The following ANO4 variants were observed in gnomAD, a reference collection of about 807,000 sequenced individuals.
The protein encoded by ANO4 is anoctamin 4.
ANO4 carries 69 observed loss-of-function variants against 141.9 expected under a neutral mutation model. That is an observed-to-expected ratio of 0.49 (90% CI 0.40 to 0.59). The LOEUF (loss-of-function observed/expected upper bound fraction) is 0.59, where lower values mean the gene tolerates loss of function less well. Among genes scored for constraint, ANO4 ranks in the 20% least tolerant of loss-of-function variants. The pLI, the probability that ANO4 is intolerant of heterozygous loss-of-function variation, is 0.00. For synonymous variants in ANO4, 350 were observed against 394.3 expected (o/e 0.89, Z 1.33); for missense variants, 894 against 1,162.2 (o/e 0.77, Z 3.36).
chr12:100,923,365 C>T (rs139089565), intron 3 of ANO4, among the ~76,000 whole-genome samples: 32 of 151,196 alleles, frequency 2.1e-4, no homozygotes, highest in African/African-American at 7.3e-4. Context: ...CATTTCCCAC[C>T]TATGAGTGAG....
intron 8 of ANO4, among the ~76,000 whole-genome samples, chr12:100,990,846 G>A (rs762280627): frequency 1.3e-5 from 2 of 152,192 alleles, no homozygotes; most frequent in Non-Finnish European, 2.9e-5. Context: ...AGAGGAGACA[G>A]TAACGTGTGT....
intron 1 of ANO4, among the ~76,000 whole-genome samples, chr12:100,811,287 G>A (rs1014123831): frequency 1.3e-5 from 2 of 152,126 alleles, no homozygotes; most frequent in Admixed American, 1.3e-4. Flanking sequence ...TTCTAAAGCC[G>A]AGATACTTTT....
rs1302897525 is a variant in ANO4, at chr12:101,109,330, A to G, written c.2150-1074A>G. Among the ~76,000 whole-genome samples, 5 of 152,200 alleles carry G rather than the reference A, an allele frequency of 3.3e-5. No homozygotes were observed. In the East Asian group the frequency reaches 9.6e-4, roughly 29 times the overall value. On this transcript the variant is annotated intron_variant, in intron 22 of 27. Coordinates refer to ENST00000392977, the MANE Select transcript of ANO4 (RefSeq NM_001286615.2). ...GTAATCCCAGCATTTTGGGAGGCCA[A>G]GGCAGGCGGATCACAAGGTCAGGAG...
intron 1 of ANO4, among the ~76,000 whole-genome samples, chr12:100,887,061 T>C (rs2039869937): frequency 6.6e-6 from 1 of 152,226 alleles, no homozygotes; most frequent in Non-Finnish European, 1.5e-5. Context: ...TTAAACTACA[T>C]TTTGCTCACT....
intron 1 of ANO4, among the ~76,000 whole-genome samples, chr12:100,805,407 T>C (rs951388527): frequency 6.6e-5 from 10 of 152,216 alleles, no homozygotes; most frequent in Admixed American, 5.9e-4. Context: ...TTATTCTTTT[T>C]GCTTAGGATT....
At chr12:100,791,136 T>A (rs935692137), upstream of ANO4, among the ~76,000 whole-genome samples, 6 of 152,154 alleles carry the variant, frequency 3.9e-5, no homozygotes, top group Non-Finnish European at 7.3e-5. Context: ...CCTAGCACTT[T>A]GGGAGGCTGA....
At chr12:100,975,941 AAAAG>A (rs1338563905) in intron 7 of ANO4, among the ~76,000 whole-genome samples, 30 of 117,518 alleles carry the variant, frequency 2.6e-4, no homozygotes, top group African/African-American at 6.2e-4. Flanking sequence ...CAAAAAAAAA[AAAAG>A]AAAAAAAAAA....
intron 8 of ANO4, among the ~76,000 whole-genome samples, chr12:101,016,476 C>T (rs2046320665): frequency 1.3e-5 from 2 of 151,992 alleles, no homozygotes. Flanking sequence ...AACCAAACAC[C>T]TCCCACCAGA....
chr12:101,095,831 G>C (rs1434077195), intron 18 of ANO4, among the ~76,000 whole-genome samples: 1 of 152,142 alleles, frequency 6.6e-6, no homozygotes. Context: ...TTGATCTTAA[G>C]GGCAAATGGA....
At chr12:101,030,749 TA>T (rs1194387373) in intron 9 of ANO4, among the ~76,000 whole-genome samples, 1 of 151,786 alleles carries the variant, frequency 6.6e-6, no homozygotes, top group Non-Finnish European at 1.5e-5. Context: ...AAGAATCCCA[TA>T]AAAAATGATA....
chr12:101,093,122 A>T (rs937384330), intron 17 of ANO4, among the ~76,000 whole-genome samples: 13 of 152,222 alleles, frequency 8.5e-5, no homozygotes, highest in African/African-American at 2.9e-4. Context: ...CTGGACTCCA[A>T]GAGTCTGAGA....
At chr12:101,039,865 A>C in intron 10 of ANO4, 90 bp from the exon 11 acceptor site, 1 of 1,428,420 alleles carries the variant, frequency 7.0e-7, no homozygotes, top group Non-Finnish European at 9.5e-7. Context: ...TCCTATCACA[A>C]CACCTGCTGT....
intron 1 of ANO4, among the ~76,000 whole-genome samples, chr12:100,877,599 G>GAA (rs545965269): frequency 2.0e-5 from 3 of 151,916 alleles, no homozygotes; most frequent in Non-Finnish European, 4.4e-5. Flanking sequence ...TCAGAGAACT[G>GAA]AAAGGTTAAT....
chr12:100,951,082 G>A (rs974927567), intron 5 of ANO4, among the ~76,000 whole-genome samples: 37 of 152,154 alleles, frequency 2.4e-4, no homozygotes, highest in Non-Finnish European at 4.3e-4. Context: ...CATATTAAAA[G>A]CTCAATATCA....
intron 1 of ANO4, among the ~76,000 whole-genome samples, chr12:100,883,054 A>G (rs1215969830): frequency 1.3e-5 from 2 of 152,152 alleles, no homozygotes; most frequent in Non-Finnish European, 2.9e-5. Context: ...AACTACCACA[A>G]TCGTTTATGG....
chr12:100,751,564 T>C (rs1413546708), intron 3 of ANO4, among the ~76,000 whole-genome samples: 1 of 152,126 alleles, frequency 6.6e-6, no homozygotes, highest in Admixed American at 6.6e-5. Flanking sequence ...GTGGTTGTAA[T>C]TGGAGAATGG....
At chr12:100,854,375 A>T (rs1283468732) in intron 1 of ANO4, among the ~76,000 whole-genome samples, 2 of 152,122 alleles carry the variant, frequency 1.3e-5, no homozygotes, top group African/African-American at 2.4e-5. Flanking sequence ...TAGCTGTGGT[A>T]TGTTTAGAAA....
intron 1 of ANO4, among the ~76,000 whole-genome samples, chr12:100,725,620 A>C (rs998600928): frequency 1.3e-5 from 2 of 152,190 alleles, no homozygotes; most frequent in African/African-American, 4.8e-5. Context: ...TGCTGGGATT[A>C]TAGGCATGAG....
intron 3 of ANO4, among the ~76,000 whole-genome samples, chr12:100,775,518 C>T (rs774479764): frequency 3.9e-5 from 6 of 152,160 alleles, no homozygotes; most frequent in Non-Finnish European, 5.9e-5. Context: ...GGCTGGATTC[C>T]TACATCTACG....
Sources: allele counts gnomAD v4.1 joint callset (sites outside exome capture counted in the v4.1 genomes callset), GRCh38; gene constraint gnomAD v4.1.1; transcripts MANE v1.5; gene names NCBI Gene and HGNC (gene_info 2026-07-23, HGNC 2026-07-21).